SLIT3: variants seen among roughly 807,000 people sequenced by gnomAD.
SLIT3 encodes slit guidance ligand 3.
A neutral mutation model predicts 184.0 loss-of-function variants in SLIT3; 68 were observed. The ratio of observed to expected loss-of-function variants is 0.37; its 90% CI spans 0.30 to 0.45. SLIT3 has a LOEUF of 0.45. SLIT3 is among the 20% of genes least tolerant of loss of function. The pLI, the probability that SLIT3 is intolerant of heterozygous loss-of-function variation, is 1.00. For synonymous variants in SLIT3, 831 were observed against 828.6 expected (o/e 1.00, Z -0.05); for missense variants, 1,707 against 2,026.0 (o/e 0.84, Z 3.02).
intron 4 of SLIT3, among the ~76,000 whole-genome samples, chr5:169,130,478 T>C (rs963116211): frequency 2.0e-5 from 3 of 152,182 alleles, no homozygotes; most frequent in African/African-American, 7.2e-5. Context: ...AATGTCCATT[T>C]CCTCATATGT....
At chr5:168,805,618 C>A (rs1756928592) in intron 9 of SLIT3, among the ~76,000 whole-genome samples, 1 of 152,172 alleles carries the variant, frequency 6.6e-6, no homozygotes, top group Admixed American at 6.5e-5. Flanking sequence ...TGGACTAGAC[C>A]GAACTATGTG....
At chr5:168,942,290 A>C (rs1264438685) in intron 4 of SLIT3, among the ~76,000 whole-genome samples, 2 of 152,210 alleles carry the variant, frequency 1.3e-5, no homozygotes, top group African/African-American at 4.8e-5. Flanking sequence ...GACATTATTG[A>C]GCCACTAGAT....
rs143673199 is a variant in SLIT3 at position 168,844,855 on chromosome 5, G to A, written c.486-200C>T. On this transcript the variant is annotated intron_variant, in intron 5 of 35. Coordinates refer to ENST00000519560, the MANE Select transcript of SLIT3 (RefSeq NM_003062.4). ...GTCTGAGAGAACTACACAGACGAGCGCACCAAAAGGCTGTCAGGTCTCAGT... is the reference window on the plus strand; with the variant it reads ...GTCTGAGAGAACTACACAGACGAGCACACCAAAAGGCTGTCAGGTCTCAGT... 3.7e-3 allele frequency: 1,948 copies of A among 530,340 alleles called. 11 individuals carry two copies. The highest frequency in any genetic ancestry group is 4.5e-3 in the Non-Finnish European group (1,346 of 296,674). 32.9% of individuals were successfully genotyped at this position (530,340 alleles called of 1,614,324 possible).
At chr5:168,941,537 T>C (rs773180066) in intron 4 of SLIT3, among the ~76,000 whole-genome samples, 2 of 152,230 alleles carry the variant, frequency 1.3e-5, no homozygotes, top group Non-Finnish European at 2.9e-5. Context: ...TACCTAAGTA[T>C]TGAAGAACAG....
chr5:168,868,481 G>T (rs555293095), intron 5 of SLIT3, among the ~76,000 whole-genome samples: 1 of 152,080 alleles, frequency 6.6e-6, no homozygotes, highest in Non-Finnish European at 1.5e-5. Context: ...CGGGCGCAGC[G>T]GCTCACGCCT....
intron 18 of SLIT3, among the ~76,000 whole-genome samples, chr5:168,751,801 A>G (rs1754725673): frequency 6.6e-6 from 1 of 150,674 alleles, no homozygotes; most frequent in Non-Finnish European, 1.5e-5. Flanking sequence ...GCAGTGGCAC[A>G]ATCTCGAGTC....
At chr5:168,799,847 A>G (rs34141013) in intron 9 of SLIT3, among the ~76,000 whole-genome samples, 45,835 of 152,042 alleles carry the variant, frequency 0.3, 7,009 homozygotes, top group Middle Eastern at 0.39. Flanking sequence ...CAGATGAGGA[A>G]ATAATGGTAC....
chr5:169,122,644 A>G (rs947645510), intron 4 of SLIT3, among the ~76,000 whole-genome samples: 5 of 152,312 alleles, frequency 3.3e-5, no homozygotes, highest in Admixed American at 3.3e-4. Context: ...ACATGGTCAC[A>G]GTGTCCCTTT....
At chr5:168,807,958 T>C (rs1173731610) in intron 8 of SLIT3, among the ~76,000 whole-genome samples, 1 of 152,186 alleles carries the variant, frequency 6.6e-6, no homozygotes, top group Non-Finnish European at 1.5e-5. Flanking sequence ...AGTTGACATC[T>C]ACAGCTTAAT....
intron 4 of SLIT3, among the ~76,000 whole-genome samples, chr5:169,185,417 C>T (rs297882): frequency 0.7 from 106,877 of 152,112 alleles, 38,003 homozygotes; most frequent in East Asian, 0.83. Flanking sequence ...AGCAGGTCTC[C>T]GCATCCAGCT....
chr5:168,797,097 G>C (rs1561938184), intron 9 of SLIT3, among the ~76,000 whole-genome samples: 1 of 152,082 alleles, frequency 6.6e-6, no homozygotes, highest in African/African-American at 2.4e-5. Flanking sequence ...ACAGTCACAG[G>C]CCTGGCTAGC....
chr5:168,736,673 TGG>T (rs1187500028), intron 20 of SLIT3, among the ~76,000 whole-genome samples: 69 of 151,666 alleles, frequency 4.5e-4, no homozygotes, highest in African/African-American at 1.2e-3. Flanking sequence ...GCAGAGTGCC[TGG>T]GCTTGCCTCC....
intron 20 of SLIT3, among the ~76,000 whole-genome samples, chr5:168,746,842 T>C (rs368825655): frequency 1.4e-4 from 8 of 57,794 alleles, no homozygotes; most frequent in African/African-American, 1.9e-4. Flanking sequence ...GTGGGTGTGG[T>C]GGTGTGTGGT....
At chr5:168,899,230 A>T (rs1760783607) in intron 4 of SLIT3, among the ~76,000 whole-genome samples, 1 of 144,992 alleles carries the variant, frequency 6.9e-6, no homozygotes, top group African/African-American at 2.5e-5. Flanking sequence ...AAACATAAAA[A>T]GTGGGCTGGA....
At chr5:169,288,819 G>A (rs992980638) in intron 1 of SLIT3, among the ~76,000 whole-genome samples, 4 of 152,174 alleles carry the variant, frequency 2.6e-5, no homozygotes, top group Middle Eastern at 3.2e-3. Context: ...TGTAAAAGAT[G>A]CATCTTGTTA....
intron 4 of SLIT3, among the ~76,000 whole-genome samples, chr5:169,114,680 T>G (rs996699850): frequency 6.6e-6 from 1 of 152,214 alleles, no homozygotes; most frequent in Non-Finnish European, 1.5e-5. Context: ...AACAGACCTG[T>G]GCCTGCAGCT....
chr5:169,026,155 G>A (rs762615722), intron 4 of SLIT3, among the ~76,000 whole-genome samples: 2 of 152,214 alleles, frequency 1.3e-5, no homozygotes, highest in African/African-American at 4.8e-5. Context: ...TTCAGCAGGA[G>A]AGGAGATTAG....
intron 24 of SLIT3, 46 bp from the exon 25 acceptor site, chr5:168,711,104 A>G (rs1762545193): frequency 1.4e-6 from 2 of 1,476,304 alleles, no homozygotes; most frequent in Non-Finnish European, 9.1e-7. Flanking sequence ...CAGCTTGGCC[A>G]GTAGCCTTCA....
chr5:169,139,741 G>C (rs1490235199), intron 4 of SLIT3, among the ~76,000 whole-genome samples: 2 of 152,200 alleles, frequency 1.3e-5, no homozygotes, highest in Admixed American at 1.3e-4. Context: ...CAAATTGTGA[G>C]ACTGAGGCAC....
Sources: gnomAD v4.1 joint callset for allele counts (sites outside exome capture counted in the v4.1 genomes callset) on GRCh38, gnomAD v4.1.1 for gene constraint, MANE v1.5 for transcripts, NCBI Gene and HGNC (gene_info 2026-07-23, HGNC 2026-07-21) for gene names.